Variants in DSCAM observed in about 807,000 individuals in gnomAD.
DSCAM encodes cell adhesion molecule DSCAM.
Under a neutral mutation model 217.7 loss-of-function variants are expected in DSCAM, and 47 were observed. The observed-to-expected ratio is 0.22, with a 90% CI of 0.17 to 0.28. The LOEUF is 0.28. DSCAM is among the 10% of genes least tolerant of loss of function. The probability of loss-of-function intolerance (pLI) is 1.00; values close to 1 mark genes in which losing one functional copy is unlikely to be tolerated. For synonymous variants in DSCAM, 1,056 were observed against 1,015.3 expected, an observed-to-expected ratio of 1.04 and a Z score of -0.76; for missense variants, 2,080 against 2,618.3, an observed-to-expected ratio of 0.79 and a Z score of 4.49.
At chr21:40,699,461 C>T (rs990207454) in intron 2 of DSCAM, among the ~76,000 whole-genome samples, 1 of 152,208 alleles carries the variant, frequency 6.6e-6, no homozygotes, top group Non-Finnish European at 1.5e-5. Flanking sequence ...GTGATGAAGG[C>T]ATATCAAAAG....
intron 11 of DSCAM, among the ~76,000 whole-genome samples, chr21:40,216,834 G>A (rs116302199): frequency 0.017 from 2,618 of 152,324 alleles, 66 homozygotes; most frequent in African/African-American, 0.058. Flanking sequence ...CTGTTAGAAT[G>A]TGATGGAACA....
At chr21:40,266,726 TTG>T (rs1300854056) in intron 11 of DSCAM, among the ~76,000 whole-genome samples, 1 of 133,242 alleles carries the variant, frequency 7.5e-6, no homozygotes, top group African/African-American at 2.9e-5. Context: ...CTTGTATATC[TTG>T]TGTGTATATA....
intron 3 of DSCAM, among the ~76,000 whole-genome samples, chr21:40,620,450 A>C (rs2146298262): frequency 7.2e-6 from 1 of 138,996 alleles, no homozygotes; most frequent in African/African-American, 2.8e-5. Flanking sequence ...AGGGAAAGGA[A>C]AGGAAAAGAA....
At chr21:40,541,489 A>G in intron 3 of DSCAM, among the ~76,000 whole-genome samples, 1 of 152,214 alleles carries the variant, frequency 6.6e-6, no homozygotes. Flanking sequence ...TGTCTGTACC[A>G]TTTATTCTGG....
intron 3 of DSCAM, among the ~76,000 whole-genome samples, chr21:40,514,662 A>C (rs2076286247): frequency 6.6e-6 from 1 of 152,116 alleles, no homozygotes; most frequent in African/African-American, 2.4e-5. Context: ...TTTTTTCTTT[A>C]TGGGGCATAA....
intron 3 of DSCAM, among the ~76,000 whole-genome samples, chr21:40,609,040 G>C: frequency 6.6e-6 from 1 of 152,130 alleles, no homozygotes; most frequent in Middle Eastern, 3.4e-3. Flanking sequence ...CTGCAGCCTC[G>C]AGCTCCTGGG....
At chr21:40,188,016 T>G (rs757677356) in intron 12 of DSCAM, 29 bp from the exon 13 acceptor site, 9 of 1,577,312 alleles carry the variant, frequency 5.7e-6, no homozygotes, top group Non-Finnish European at 7.8e-6. Context: ...GAAATTCATC[T>G]TTTTCAGTAG....
At chr21:40,031,287 TC>T (rs2088519255) in intron 32 of DSCAM, among the ~76,000 whole-genome samples, 1 of 142,094 alleles carries the variant, frequency 7.0e-6, no homozygotes, top group Non-Finnish European at 1.6e-5. Flanking sequence ...AGAAGGAAGC[TC>T]CCAGATTCCA....
At chr21:40,703,977 T>C (rs529250131) in intron 2 of DSCAM, among the ~76,000 whole-genome samples, 1 of 152,296 alleles carries the variant, frequency 6.6e-6, no homozygotes, top group African/African-American at 2.4e-5. Flanking sequence ...CTTTAATTTC[T>C]TTCATTATTA....
chr21:40,476,889 G>A lies in DSCAM; in HGVS notation c.509-107644C>T, dbSNP rs534146220. On this transcript the variant is annotated intron_variant, in intron 3 of 32. Coordinates refer to ENST00000400454, the MANE Select transcript of DSCAM (RefSeq NM_001389.5). ...CTTGAGGGAAAATTCAGAGAGAGTA[G>A]GAAAAACGTTTACTTTCTCACCTTA... Among the ~76,000 whole-genome samples, 7 of 152,166 alleles carry A rather than the reference G, an allele frequency of 4.6e-5. No homozygotes were observed. In the East Asian group the frequency reaches 9.7e-4, roughly 21 times the overall value.
intron 1 of DSCAM, among the ~76,000 whole-genome samples, chr21:40,774,064 C>T (rs929768887): frequency 1.3e-5 from 2 of 152,198 alleles, no homozygotes; most frequent in African/African-American, 4.8e-5. Context: ...AGCTGAGATG[C>T]TGTCCAACAA....
chr21:40,271,051 T>TG (rs1372678934), intron 11 of DSCAM, among the ~76,000 whole-genome samples: 2 of 152,198 alleles, frequency 1.3e-5, no homozygotes, highest in Non-Finnish European at 2.9e-5. Context: ...AATCATAACA[T>TG]GGAGATCTGT....
chr21:40,626,532 C>T (rs866002100), intron 3 of DSCAM, among the ~76,000 whole-genome samples: 2 of 152,190 alleles, frequency 1.3e-5, no homozygotes, highest in East Asian at 3.9e-4. Context: ...AATCAAAATG[C>T]TCTCCATTGC....
chr21:40,739,717 C>T lies in DSCAM; in HGVS notation c.44-30946G>A, dbSNP rs186253506. On this transcript the variant is annotated intron_variant, in intron 1 of 32. Transcript: ENST00000400454. ...TAATTTTTTTAAAAGTACAGTTTGG[C>T]CCATAACCCTGGGGATAAACTGTAG... is the stretch of plus-strand genomic sequence containing the variant. Among the ~76,000 whole-genome samples, 30 of 152,078 alleles carry T rather than the reference C, an allele frequency of 2.0e-4. No individual in the cohort carries two copies. In the Middle Eastern group the frequency reaches 0.01, roughly 52 times the overall value.
chr21:40,032,254 CA>C (rs2146450742), intron 32 of DSCAM, among the ~76,000 whole-genome samples: 1 of 152,266 alleles, frequency 6.6e-6, no homozygotes, highest in East Asian at 1.9e-4. Context: ...GTGGGTGCTC[CA>C]AAACCACTGC....
chr21:40,372,567 G>A (rs972563596), intron 3 of DSCAM, among the ~76,000 whole-genome samples: 6 of 152,182 alleles, frequency 3.9e-5, no homozygotes, highest in African/African-American at 1.2e-4. Context: ...AGTTACCAGA[G>A]GGATGTCTCA....
intron 16 of DSCAM, among the ~76,000 whole-genome samples, chr21:40,165,451 A>AAGG (rs1398028256): frequency 6.6e-6 from 1 of 152,218 alleles, no homozygotes; most frequent in African/African-American, 2.4e-5. Flanking sequence ...CTACAGAGAT[A>AAGG]GATTGCACTC....
intron 30 of DSCAM, among the ~76,000 whole-genome samples, chr21:40,045,096 G>A (rs993528476): frequency 1.3e-5 from 2 of 152,230 alleles, no homozygotes; most frequent in African/African-American, 2.4e-5. Flanking sequence ...TGCAGGTGGA[G>A]ACTGGAGTGC....
At chr21:40,533,845 T>C (rs1163254241) in intron 3 of DSCAM, among the ~76,000 whole-genome samples, 1 of 152,202 alleles carries the variant, frequency 6.6e-6, no homozygotes, top group Non-Finnish European at 1.5e-5. Flanking sequence ...AAAACCTATT[T>C]AGGTGATTGG....
Sources: allele counts gnomAD v4.1 joint callset (sites outside exome capture counted in the v4.1 genomes callset), GRCh38; gene constraint gnomAD v4.1.1; transcripts MANE v1.5; gene names NCBI Gene and HGNC (gene_info 2026-07-23, HGNC 2026-07-21).